Variants in ANKRD31 observed in about 807,000 individuals in gnomAD.
ANKRD31 encodes the protein ankyrin repeat domain 31, also known as ankyrin repeat domain-containing protein 31.
A neutral mutation model predicts 186.0 loss-of-function variants in ANKRD31; 147 were observed. That is an observed-to-expected ratio of 0.79 (90% CI 0.69 to 0.91). ANKRD31 has a LOEUF of 0.91. Ranked by LOEUF, ANKRD31 falls within the 40% of genes least tolerant of loss-of-function variation. ANKRD31 has a pLI of 0.00. For synonymous variants in ANKRD31, 673 were observed against 736.4 expected (o/e 0.91, Z 1.39); for missense variants, 1,986 against 2,148.8 (o/e 0.92, Z 1.50).
intron 22 of ANKRD31, among the ~76,000 whole-genome samples, chr5:75,101,733 G>C (rs2150051481): frequency 6.6e-6 from 1 of 152,208 alleles, no homozygotes; most frequent in Admixed American, 6.5e-5. Context: ...ACTGAAGCTT[G>C]TGCATGCGTC....
intron 4 of ANKRD31, among the ~76,000 whole-genome samples, chr5:75,210,107 T>G (rs534299019): frequency 6.6e-6 from 1 of 152,352 alleles, no homozygotes; most frequent in South Asian, 2.1e-4. Flanking sequence ...TGAGAATCAT[T>G]GTTTTAAAAG....
At chr5:75,216,746 C>T (rs1756984125) in intron 3 of ANKRD31, among the ~76,000 whole-genome samples, 1 of 152,076 alleles carries the variant, frequency 6.6e-6, no homozygotes, top group Non-Finnish European at 1.5e-5. Flanking sequence ...TTCCTTATCT[C>T]TGGTTAGCTA....
At position 75,080,608 on chromosome 5, in the gene ANKRD31, T is replaced by C. The variant is rs1056584546; in HGVS notation, c.5607A>G (p.Glu1869=). The change falls in exon 25 of 26, where the codon GAA becomes GAG. Residue 1869 remains glutamate (E), a synonymous_variant. Coordinates refer to ENST00000506364, the MANE Select transcript of ANKRD31 (RefSeq NM_001372053.1). The part of the protein sequence containing the change: ...EVACLDDPVQ[E]PNKSMFEKTK... ...TTTTCTCAAACATTGATTTGTTTGG[T>C]TCCTGTACTGGGTCATCTAAACAAG... 14 of 1,529,714 alleles carry C rather than the reference T, an allele frequency of 9.2e-6. No homozygotes were observed. In the African/African-American group the frequency reaches 1.9e-4, roughly 21 times the overall value. The allele number at this position is 1,529,714 out of a possible 1,614,324, so 94.8% of individuals were successfully genotyped here.
intron 7 of ANKRD31, among the ~76,000 whole-genome samples, chr5:75,194,932 T>C (rs1361263425): frequency 1.3e-5 from 2 of 152,154 alleles, no homozygotes; most frequent in African/African-American, 2.4e-5. Context: ...CTGTAAGGTT[T>C]AAAATGTGTT....
chr5:75,120,300 C>A (rs760488128), intron 17 of ANKRD31, among the ~76,000 whole-genome samples: 1 of 152,032 alleles, frequency 6.6e-6, no homozygotes, highest in Non-Finnish European at 1.5e-5. Context: ...GAGGTTGAAG[C>A]TGGAGGATTA....
intron 22 of ANKRD31, among the ~76,000 whole-genome samples, chr5:75,098,873 C>A (rs958535485): frequency 2.3e-4 from 35 of 152,298 alleles, no homozygotes; most frequent in African/African-American, 7.2e-4. Flanking sequence ...ATGTCATCTG[C>A]AAACAGGGAC....
Position 75,169,076 on chromosome 5 carries a change from G to A in ANKRD31, c.1610C>T (p.Thr537Ile). 1.3e-6 allele frequency: 2 copies of A among 1,536,938 alleles called. No homozygotes were observed. The highest frequency in any genetic ancestry group is 1.2e-5 in the South Asian group (1 of 84,018). ...HEASVGGFYRTASELLKGGAD... is the reference protein window; with the variant it reads ...HEASVGGFYRIASELLKGGAD... ...TCCACCTTTTAATAGTTCACTTGCT[G>A]TCCGATAAAATCCTCCTACACTAGC... is the stretch of plus-strand genomic sequence containing the variant. The change falls in exon 11 of 26, where the codon ACA (threonine) becomes ATA (isoleucine). Residue 537 changes from threonine to isoleucine, a missense_variant. Transcript: ENST00000506364.
chr5:75,233,655 C>T (rs1342710346), intron 1 of ANKRD31, among the ~76,000 whole-genome samples: 1 of 152,014 alleles, frequency 6.6e-6, no homozygotes, highest in Non-Finnish European at 1.5e-5. Context: ...GTGACTCATG[C>T]CTGTAATCCC....
intron 10 of ANKRD31, among the ~76,000 whole-genome samples, chr5:75,178,030 T>C (rs1028180903): frequency 1.3e-5 from 2 of 151,868 alleles, no homozygotes; most frequent in Non-Finnish European, 2.9e-5. Context: ...AATAAAGGGA[T>C]GGAGGAAGAT....
At chr5:75,099,224 G>T (rs1746598996) in intron 22 of ANKRD31, among the ~76,000 whole-genome samples, 1 of 152,140 alleles carries the variant, frequency 6.6e-6, no homozygotes, top group Admixed American at 6.5e-5. Context: ...TTTATATGAT[G>T]GATTACATTT....
chr5:75,176,369 A>C lies in ANKRD31; in HGVS notation c.1565-7248T>G, dbSNP rs139236250. The stretch of plus-strand genomic sequence containing the variant: ...GCAGACTTAAATGTCCCTGTCTGAC[A>C]GCTTTGAAGAGAGTAGTGGTTCTCC... On this transcript the variant is annotated intron_variant, in intron 10 of 25. Transcript: ENST00000506364. Among the ~76,000 whole-genome samples the C allele has an allele frequency of 2.4e-3, 365 of 152,336 alleles. 8 individuals carry two copies. The East Asian group carries it at 0.061, about 25-fold the overall frequency.
At chr5:75,133,109 G>A (rs1013269768) in intron 17 of ANKRD31, among the ~76,000 whole-genome samples, 7 of 152,100 alleles carry the variant, frequency 4.6e-5, no homozygotes, top group Admixed American at 6.6e-5. Flanking sequence ...ATCAACTAAC[G>A]AGCAAAATAA....
At chr5:75,102,708 T>G (rs567732215) in intron 22 of ANKRD31, among the ~76,000 whole-genome samples, 1 of 152,330 alleles carries the variant, frequency 6.6e-6, no homozygotes, top group East Asian at 1.9e-4. Context: ...AGTGAGGCTC[T>G]GTGGGCATGG....
rs767526491 is a variant in ANKRD31 at position 75,236,546 on chromosome 5, G to C, written c.104+37C>G. On this transcript the variant is annotated intron_variant, in intron 1 of 25. Transcript: ENST00000506364. The stretch of plus-strand genomic sequence containing the variant: ...CAGAGGGCACCTGGGCCGCCCTGGC[G>C]CGAGGGTTCAGGCACTGTGGCCCTA... The C allele has an allele frequency of 3.3e-6, 5 of 1,522,182 alleles. No individual in the cohort carries two copies. The African/African-American group carries it at 6.9e-5, about 21-fold the overall frequency. The allele number at this position is 1,522,182 out of a possible 1,614,324, so 94.3% of individuals were successfully genotyped here.
At chr5:75,190,416 C>T (rs1755026918) in intron 9 of ANKRD31, among the ~76,000 whole-genome samples, 1 of 152,014 alleles carries the variant, frequency 6.6e-6, no homozygotes. Context: ...TAATGATGAC[C>T]TCATTAAAAT....
chr5:75,187,271 G>T (rs150821800), intron 10 of ANKRD31, among the ~76,000 whole-genome samples: 2 of 152,076 alleles, frequency 1.3e-5, no homozygotes, highest in African/African-American at 4.8e-5. Context: ...CAGAAATAAA[G>T]ATAGAGCTAA....
At chr5:75,179,220 T>G (rs948343153) in intron 10 of ANKRD31, among the ~76,000 whole-genome samples, 6 of 151,874 alleles carry the variant, frequency 4.0e-5, no homozygotes, top group Non-Finnish European at 7.4e-5. Flanking sequence ...AATAACAGGC[T>G]CTGAAATTGA....
At chr5:75,226,911 C>A (rs948949761) in intron 2 of ANKRD31, among the ~76,000 whole-genome samples, 1 of 152,140 alleles carries the variant, frequency 6.6e-6, no homozygotes, top group Admixed American at 6.5e-5. Flanking sequence ...AGCAATCCCA[C>A]TCCTAGGTAT....
At chr5:75,098,705 A>G (rs191542868) in intron 22 of ANKRD31, among the ~76,000 whole-genome samples, 3,664 of 152,200 alleles carry the variant, frequency 0.024, 136 homozygotes, top group African/African-American at 0.083. Flanking sequence ...TGTGAATGGG[A>G]GTTCACTCAT....
Sources: allele counts gnomAD v4.1 joint callset (sites outside exome capture counted in the v4.1 genomes callset), GRCh38; gene constraint gnomAD v4.1.1; transcripts MANE v1.5; gene names NCBI Gene and HGNC (gene_info 2026-07-23, HGNC 2026-07-21).